The following SCAPER variants were observed in gnomAD, a reference collection of about 807,000 sequenced individuals.
SCAPER encodes the protein S-phase cyclin A associated protein in the ER.
In SCAPER, 98 loss-of-function variants were observed where a neutral mutation model predicts 182.2. The observed-to-expected ratio is 0.54, with a 90% CI of 0.46 to 0.64. SCAPER has a LOEUF of 0.64. Among genes scored for constraint, SCAPER ranks in the 30% least tolerant of loss-of-function variants. The pLI, the probability that SCAPER is intolerant of heterozygous loss-of-function variation, is 0.00. For synonymous variants in SCAPER, 605 were observed against 564.6 expected (o/e 1.07, Z -1.01); for missense variants, 1,432 against 1,690.0 (o/e 0.85, Z 2.68).
chr15:76,525,336 G>A (rs1380319813), intron 23 of SCAPER, among the ~76,000 whole-genome samples: 2 of 151,932 alleles, frequency 1.3e-5, no homozygotes, highest in African/African-American at 2.4e-5. Flanking sequence ...GGACTACAGT[G>A]TAATTTTTTT....
rs558210401 is a variant in SCAPER at position 76,790,184 on chromosome 15, T to C, written c.772+5096A>G. Among the ~76,000 whole-genome samples, 4 of 151,398 alleles carry C rather than the reference T, an allele frequency of 2.6e-5. No individual in the cohort carries two copies. The East Asian group carries it at 7.8e-4, about 29-fold the overall frequency. ...AGGCGGAGCTTGCAGTGAGCTGAGA[T>C]TGCACCACTGCACTCCAGCCTGGGA... On this transcript the variant is annotated intron_variant, in intron 8 of 31. Coordinates refer to ENST00000563290, the MANE Select transcript of SCAPER (RefSeq NM_020843.4).
chr15:76,764,923 T>G, intron 14 of SCAPER, 38 bp downstream of exon 14: 1 of 1,284,142 alleles, frequency 7.8e-7, no homozygotes, highest in Non-Finnish European at 1.1e-6. Context: ...GCCCAGCAAC[T>G]TCAGACTATC....
At chr15:76,788,436 T>C (rs1261030007) in intron 8 of SCAPER, among the ~76,000 whole-genome samples, 1 of 152,152 alleles carries the variant, frequency 6.6e-6, no homozygotes, top group Non-Finnish European at 1.5e-5. Flanking sequence ...ATCTATATTA[T>C]TATGAAAACA....
chr15:76,851,546 GA>G (rs1219636711), intron 4 of SCAPER, among the ~76,000 whole-genome samples: 4 of 151,872 alleles, frequency 2.6e-5, no homozygotes. Flanking sequence ...CATTCTTAGA[GA>G]AAAAAAATCT....
intron 21 of SCAPER, among the ~76,000 whole-genome samples, chr15:76,634,616 C>A (rs949029796): frequency 2.6e-5 from 4 of 152,126 alleles, no homozygotes; most frequent in Admixed American, 6.5e-5. Flanking sequence ...TCTTTAAATT[C>A]TCTTAATAAC....
intron 26 of SCAPER, among the ~76,000 whole-genome samples, chr15:76,416,491 G>GA (rs55778050): frequency 6.8e-6 from 1 of 147,810 alleles, no homozygotes; most frequent in African/African-American, 2.5e-5. Context: ...TCCATCTCAA[G>GA]AAAAAAAAAA....
intron 20 of SCAPER, among the ~76,000 whole-genome samples, chr15:76,671,901 C>G (rs915665922): frequency 1.3e-5 from 2 of 152,016 alleles, no homozygotes; most frequent in African/African-American, 4.8e-5. Context: ...AAAAAAGGAA[C>G]AGTTACTCAC....
chr15:76,440,068 T>C (rs968374284), intron 25 of SCAPER, among the ~76,000 whole-genome samples: 6 of 152,214 alleles, frequency 3.9e-5, no homozygotes, highest in African/African-American at 7.2e-5. Context: ...TTTTAAAAAT[T>C]TGTAGATATT....
chr15:76,683,433 G>A (rs938550673), intron 20 of SCAPER, among the ~76,000 whole-genome samples: 2 of 152,018 alleles, frequency 1.3e-5, no homozygotes, highest in Non-Finnish European at 2.9e-5. Flanking sequence ...ATGATGCCAT[G>A]GCATCCCTGA....
intron 20 of SCAPER, among the ~76,000 whole-genome samples, chr15:76,678,320 T>A (rs2057482420): frequency 6.6e-6 from 1 of 152,118 alleles, no homozygotes; most frequent in East Asian, 1.9e-4. Flanking sequence ...GGTTTTCACA[T>A]GTCATTTGGA....
chr15:76,829,258 C>T (rs907011212), intron 5 of SCAPER, among the ~76,000 whole-genome samples: 1 of 152,032 alleles, frequency 6.6e-6, no homozygotes, highest in African/African-American at 2.4e-5. Context: ...AGCTATGAGG[C>T]TGTGCAATGG....
chr15:76,670,345 C>A (rs987776493), intron 20 of SCAPER, among the ~76,000 whole-genome samples: 71 of 151,928 alleles, frequency 4.7e-4, no homozygotes, highest in Middle Eastern at 3.4e-3. Flanking sequence ...ATATTCCTTC[C>A]ATTAAATAAT....
chr15:76,543,453 T>C (rs771700563), intron 23 of SCAPER, among the ~76,000 whole-genome samples: 1 of 152,162 alleles, frequency 6.6e-6, no homozygotes, highest in African/African-American at 2.4e-5. Flanking sequence ...AAGAGAAAGA[T>C]TTTAAGTGTA....
At chr15:76,611,406 C>A (rs1022649884) in intron 22 of SCAPER, among the ~76,000 whole-genome samples, 2 of 151,958 alleles carry the variant, frequency 1.3e-5, no homozygotes, top group Non-Finnish European at 2.9e-5. Flanking sequence ...CTGAACAAAC[C>A]AATAATGAGT....
chr15:76,713,289 A>T (rs2059694283), intron 17 of SCAPER, among the ~76,000 whole-genome samples: 1 of 152,032 alleles, frequency 6.6e-6, no homozygotes, highest in Admixed American at 6.6e-5. Flanking sequence ...GTATATACCC[A>T]AAGGACTATA....
intron 5 of SCAPER, among the ~76,000 whole-genome samples, chr15:76,817,133 TC>T (rs2067152524): frequency 6.6e-6 from 1 of 152,224 alleles, no homozygotes. Flanking sequence ...GTGACAAGAA[TC>T]TTTCTGGTCC....
intron 15 of SCAPER, among the ~76,000 whole-genome samples, chr15:76,742,177 A>C (rs280024): frequency 0.15 from 23,306 of 151,836 alleles, 2,014 homozygotes; most frequent in African/African-American, 0.24. Context: ...AATATTCTCA[A>C]AGGCAAATAT....
chr15:76,606,145 C>T (rs1295638359), intron 22 of SCAPER, among the ~76,000 whole-genome samples: 1 of 152,160 alleles, frequency 6.6e-6, no homozygotes, highest in Non-Finnish European at 1.5e-5. Context: ...CCTGCTTTCT[C>T]TTGTGGGCAT....
chr15:76,636,514 T>C (rs953984141), intron 21 of SCAPER, among the ~76,000 whole-genome samples: 3 of 151,200 alleles, frequency 2.0e-5, no homozygotes, highest in African/African-American at 7.3e-5. Flanking sequence ...AATTCTGAGT[T>C]AGGTAAAAAT....
Sources: allele counts gnomAD v4.1 joint callset (sites outside exome capture counted in the v4.1 genomes callset), GRCh38; gene constraint gnomAD v4.1.1; transcripts MANE v1.5; gene names NCBI Gene and HGNC (gene_info 2026-07-23, HGNC 2026-07-21).